The following DST variants were observed in gnomAD, a reference collection of about 807,000 sequenced individuals.
DST encodes bullous pemphigoid antigen.
DST carries 253 observed loss-of-function variants against 875.2 expected under a neutral mutation model. The observed-to-expected ratio is 0.29, with a 90% confidence interval of 0.26 to 0.32. The LOEUF is 0.32. Among genes scored for constraint, DST ranks in the 10% least tolerant of loss-of-function variants. The pLI, the probability that DST is intolerant of heterozygous loss-of-function variation, is 1.00. For synonymous variants in DST, 3,124 were observed against 3,197.1 expected (o/e 0.98, Z 0.77); for missense variants, 8,287 against 9,111.6 (o/e 0.91, Z 3.68).
intron 63 of DST, among the ~76,000 whole-genome samples, chr6:56,534,482 G>A (rs1419094031): frequency 7.9e-5 from 12 of 152,060 alleles, no homozygotes; most frequent in Admixed American, 7.9e-4. Flanking sequence ...TTCCCAAATT[G>A]GCCCCACTTT....
At chr6:56,659,944 CG>C (rs1466626819) in intron 10 of DST, among the ~76,000 whole-genome samples, 5 of 152,026 alleles carry the variant, frequency 3.3e-5, no homozygotes, top group Non-Finnish European at 7.4e-5. Context: ...ACAGCAGCAG[CG>C]GGGGTGAGGA....
intron 9 of DST, among the ~76,000 whole-genome samples, chr6:56,684,794 T>C (rs2099172960): frequency 6.6e-6 from 1 of 152,202 alleles, no homozygotes; most frequent in Non-Finnish European, 1.5e-5. Context: ...TCCCTTGGCT[T>C]TGCCTCACTC....
chr6:56,743,409 A>G (rs972873062), intron 4 of DST, among the ~76,000 whole-genome samples: 2 of 152,204 alleles, frequency 1.3e-5, no homozygotes, highest in Non-Finnish European at 2.9e-5. Flanking sequence ...TATTCTAAAT[A>G]TACTGTAAAT....
At chr6:56,864,693 A>AT (rs571839209) in intron 3 of DST, among the ~76,000 whole-genome samples, 179 of 152,342 alleles carry the variant, frequency 1.2e-3, no homozygotes, top group African/African-American at 4.1e-3. Context: ...AAATCCTGTA[A>AT]TATGATGCCT....
intron 4 of DST, among the ~76,000 whole-genome samples, chr6:56,758,604 G>T (rs1282442461): frequency 6.6e-6 from 1 of 152,344 alleles, no homozygotes; most frequent in South Asian, 2.1e-4. Context: ...CAGCTGGGTG[G>T]CTTGACCACT....
chr6:56,912,832 G>T (rs182022335), intron 2 of DST, among the ~76,000 whole-genome samples: 1 of 152,130 alleles, frequency 6.6e-6, no homozygotes, highest in Non-Finnish European at 1.5e-5. Flanking sequence ...CATTTCTTAC[G>T]TTTCATTAAC....
intron 4 of DST, among the ~76,000 whole-genome samples, chr6:56,827,344 T>C (rs1319864987): frequency 6.6e-6 from 1 of 151,588 alleles, no homozygotes; most frequent in African/African-American, 2.4e-5. Flanking sequence ...TGAAACCCCG[T>C]CTCTACTAAA....
At chr6:56,720,291 A>G (rs1272690254) in intron 5 of DST, among the ~76,000 whole-genome samples, 1 of 151,830 alleles carries the variant, frequency 6.6e-6, no homozygotes, top group Non-Finnish European at 1.5e-5. Context: ...CTGGCTCAAC[A>G]GCAGTCAGAG....
intron 4 of DST, among the ~76,000 whole-genome samples, chr6:56,794,436 A>G (rs62411376): frequency 0.16 from 24,783 of 152,166 alleles, 2,236 homozygotes; most frequent in Non-Finnish European, 0.19. Context: ...GAGAAGAACA[A>G]GGGCATTTGG....
chr6:56,844,816 G>A (rs1296961258), intron 4 of DST, among the ~76,000 whole-genome samples: 4 of 150,414 alleles, frequency 2.7e-5, no homozygotes, highest in African/African-American at 9.8e-5. Context: ...AGGTTGCAGT[G>A]AGCCGAGATC....
chr6:56,568,572 T>A lies in DST; in HGVS notation c.13902A>T (p.Leu4634Phe), dbSNP rs746611963. 16 of 1,608,496 alleles carry A rather than the reference T, an allele frequency of 9.9e-6. No individual in the cohort carries two copies. The highest frequency in any genetic ancestry group is 1.4e-5 in the Non-Finnish European group (16 of 1,177,392). The change falls in exon 55 of 104, where the codon TTA becomes TTT. Residue 4634 changes from leucine to phenylalanine, a missense_variant. Around this residue, in one of 10 missense-constraint regions of DST, gnomAD observed 1,513 missense variants for 1,677.8 expected, o/e 0.90. Coordinates refer to ENST00000680361, the MANE Select transcript of DST (RefSeq NM_001374736.1). Reference sequence around the variant, plus strand: ...TTACTTTCTGAATCTCTGGTGTTTTTAAACTCCACTTTTCTTGTAATTTCT... The same window carrying A: ...TTACTTTCTGAATCTCTGGTGTTTTAAAACTCCACTTTTCTTGTAATTTCT... ...DTKKLQEKWSLKTPEIQKVNN... is the reference protein window; with the variant it reads ...DTKKLQEKWSFKTPEIQKVNN...
At chr6:56,889,704 A>G (rs960594648) in intron 3 of DST, among the ~76,000 whole-genome samples, 1 of 152,160 alleles carries the variant, frequency 6.6e-6, no homozygotes, top group Non-Finnish European at 1.5e-5. Context: ...TGATGCTCTA[A>G]AACTGTTATT....
intron 36 of DST, chr6:56,619,028 T>G: frequency 6.2e-7 from 1 of 1,614,258 alleles, no homozygotes; most frequent in Non-Finnish European, 8.5e-7. Context: ...AATGTTCTGT[T>G]GGTCACACTT....
chr6:56,752,496 C>G (rs1474127469), intron 4 of DST, among the ~76,000 whole-genome samples: 2 of 152,164 alleles, frequency 1.3e-5, no homozygotes, highest in Admixed American at 6.5e-5. Context: ...TACCCACCCC[C>G]ACTCCCACAG....
At position 56,604,514 on chromosome 6, in the gene DST, C is replaced by T. The variant is rs1229343851; in HGVS notation, c.10114G>A (p.Glu3372Lys). The T allele has an allele frequency of 6.2e-7, 1 of 1,612,562 alleles. No homozygotes were observed. Among genetic ancestry groups the T allele is most frequent in the East Asian group, 2.2e-5 (1 of 44,838 alleles). The stretch of plus-strand genomic sequence containing the variant: ...GCACAGGCTGAAGGTTCTTCAACCT[C>T]TTGAGGGTTCATATGACCTTCTTTC... Reference protein sequence around the residue: ...RLKEGHMNPQEVEEPSACADT... With the variant: ...RLKEGHMNPQKVEEPSACADT... The change falls in exon 40 of 104, where the codon GAG becomes AAG. Residue 3372 changes from glutamate to lysine, a missense_variant. Physicochemically the swap from Glu to Lys is moderately conservative, Grantham distance 56. Transcript: ENST00000680361.
intron 9 of DST, among the ~76,000 whole-genome samples, chr6:56,685,641 G>A (rs958623582): frequency 8.7e-4 from 132 of 152,176 alleles, no homozygotes; most frequent in Middle Eastern, 6.8e-3. Flanking sequence ...GCGTGGTGGT[G>A]GATGTCTGTA....
chr6:56,513,405 T>A (rs1001370458), intron 72 of DST, among the ~76,000 whole-genome samples: 11 of 152,180 alleles, frequency 7.2e-5, no homozygotes, highest in Admixed American at 7.2e-4. Context: ...TGATTTTGTA[T>A]TTTTAGTAGA....
chr6:56,807,108 T>C lies in DST; in HGVS notation c.625+44289A>G, dbSNP rs189174649. On this transcript the variant is annotated intron_variant, in intron 4 of 103. Transcript: ENST00000680361. ...CTCTGTCCCCCAGGCTGGAGTGCAG[T>C]GGCACAATCTCAGCTCACTGCAACC... 3.9e-4 allele frequency among the ~76,000 whole-genome samples: 60 copies of C among 152,272 alleles called. No individual in the cohort carries two copies. In the East Asian group the frequency reaches 0.011, roughly 29 times the overall value.
At chr6:56,519,877 C>T (rs2096663793) in intron 69 of DST, among the ~76,000 whole-genome samples, 1 of 152,100 alleles carries the variant, frequency 6.6e-6, no homozygotes, top group African/African-American at 2.4e-5. Context: ...AGAAGATAAT[C>T]AAATAGATGC....
Sources: allele counts gnomAD v4.1 joint callset (sites outside exome capture counted in the v4.1 genomes callset), GRCh38; gene constraint gnomAD v4.1.1; regional missense constraint gnomAD v4.1.1; transcripts MANE v1.5; gene names NCBI Gene and HGNC (gene_info 2026-07-23, HGNC 2026-07-21).